Variants in SCOC observed in about 807,000 individuals in gnomAD.
SCOC encodes the protein short coiled-coil protein, also known as short coiled coil protein.
In SCOC, 7 loss-of-function variants were observed where a neutral mutation model predicts 9.9. The observed-to-expected ratio is 0.71, with a 90% CI of 0.40 to 1.33. The LOEUF (loss-of-function observed/expected upper bound fraction) is 1.33. Ranked by LOEUF, SCOC falls within the 40% of genes most tolerant of loss-of-function variation. The probability of loss-of-function intolerance (pLI) is 0.01; values close to 1 mark genes in which losing one functional copy is unlikely to be tolerated. For missense variants in SCOC, 66 were observed against 89.7 expected, an observed-to-expected ratio of 0.74 and a Z score of 1.07; for synonymous variants, 19 against 28.2, an observed-to-expected ratio of 0.67 and a Z score of 1.03.
chr4:140,363,016 C>T (rs954783118), intron 2 of SCOC, among the ~76,000 whole-genome samples: 1 of 152,150 alleles, frequency 6.6e-6, no homozygotes, highest in Non-Finnish European at 1.5e-5. Context: ...TGAGGTAATG[C>T]CTCTCTGGTT....
At chr4:140,267,683 C>T (rs1459842462) in intron 1 of SCOC, among the ~76,000 whole-genome samples, 2 of 152,106 alleles carry the variant, frequency 1.3e-5, no homozygotes, top group African/African-American at 2.4e-5. Context: ...CACCCAGTGA[C>T]GTGGAGACTC....
At chr4:140,350,554 A>G (rs1444005972) in intron 2 of SCOC, among the ~76,000 whole-genome samples, 4 of 152,148 alleles carry the variant, frequency 2.6e-5, no homozygotes, top group Non-Finnish European at 5.9e-5. Flanking sequence ...CTGTTTTCAG[A>G]ACGCATTTAT....
At chr4:140,299,049 CT>C in intron 1 of SCOC, among the ~76,000 whole-genome samples, 1 of 152,296 alleles carries the variant, frequency 6.6e-6, no homozygotes, top group South Asian at 2.1e-4. Flanking sequence ...AACTCCTAGC[CT>C]TGGGCAATCC....
At chr4:140,370,551 G>A (rs1170291386), upstream of SCOC, among the ~76,000 whole-genome samples, 1 of 152,186 alleles carries the variant, frequency 6.6e-6, no homozygotes, top group Admixed American at 6.5e-5. Flanking sequence ...ATTCCCAGGT[G>A]ATTCTAATAT....
At chr4:140,322,010 A>G (rs1351008428) in intron 1 of SCOC, among the ~76,000 whole-genome samples, 1 of 152,190 alleles carries the variant, frequency 6.6e-6, no homozygotes, top group Non-Finnish European at 1.5e-5. Context: ...GTGAGGATGC[A>G]GCAAGGAGCT....
At chr4:140,362,162 C>T (rs1333116511) in intron 2 of SCOC, among the ~76,000 whole-genome samples, 1 of 151,288 alleles carries the variant, frequency 6.6e-6, no homozygotes, top group African/African-American at 2.4e-5. Flanking sequence ...CTTTGCTTCA[C>T]ACTGGGCATG....
upstream of SCOC, among the ~76,000 whole-genome samples, chr4:140,340,424 C>A (rs530350521): frequency 6.6e-6 from 1 of 151,680 alleles, no homozygotes; most frequent in African/African-American, 2.4e-5. Context: ...TGTAACAAAC[C>A]TGCACGTGGT....
intron 1 of SCOC, among the ~76,000 whole-genome samples, chr4:140,377,920 T>C (rs1728410965): frequency 6.6e-6 from 1 of 152,212 alleles, no homozygotes; most frequent in African/African-American, 2.4e-5. Flanking sequence ...CTGACAGGTC[T>C]AGGTTGCTTC....
chr4:140,339,016 C>A (rs904064801), upstream of SCOC, among the ~76,000 whole-genome samples: 41 of 152,162 alleles, frequency 2.7e-4, no homozygotes, highest in African/African-American at 7.0e-4. Context: ...AAAAGAACAA[C>A]GCTGGAGGCA....
chr4:140,361,350 T>C (rs1727459330), intron 2 of SCOC, among the ~76,000 whole-genome samples: 1 of 152,126 alleles, frequency 6.6e-6, no homozygotes, highest in Non-Finnish European at 1.5e-5. Context: ...CCAATGGTGC[T>C]TGTTAGGAAA....
intron 1 of SCOC, among the ~76,000 whole-genome samples, chr4:140,334,084 T>TA (rs1732891428): frequency 1.3e-5 from 2 of 152,078 alleles, no homozygotes. Flanking sequence ...CCCAGCTAAT[T>TA]AAAAAAATCT....
At chr4:140,362,304 T>TTCCTCTTCTTCTTCTTCCTC (rs1727586818) in intron 2 of SCOC, among the ~76,000 whole-genome samples, 2 of 55,144 alleles carry the variant, frequency 3.6e-5, no homozygotes, top group Non-Finnish European at 8.1e-5. Context: ...TTCTTCTTTT[T>TTCCTCTTCTTCTTCTTCCTC]TTTTTTTTTT....
intron 1 of SCOC, among the ~76,000 whole-genome samples, chr4:140,295,319 T>C (rs778390515): frequency 2.9e-4 from 44 of 152,076 alleles, no homozygotes; most frequent in Non-Finnish European, 5.1e-4. Context: ...CATGGTTGCC[T>C]GGACCATGGG....
At chr4:140,286,821 C>G (rs1265760897) in intron 1 of SCOC, among the ~76,000 whole-genome samples, 1 of 152,168 alleles carries the variant, frequency 6.6e-6, no homozygotes, top group Non-Finnish European at 1.5e-5. Context: ...GAAATTGACT[C>G]TCATCAGCCA....
At chr4:140,313,282 G>C (rs1732207403) in intron 1 of SCOC, among the ~76,000 whole-genome samples, 1 of 152,146 alleles carries the variant, frequency 6.6e-6, no homozygotes, top group African/African-American at 2.4e-5. Flanking sequence ...TTTTGTTCTT[G>C]TTGCCCAGGC....
chr4:140,281,884 G>A (rs894389920), intron 1 of SCOC, among the ~76,000 whole-genome samples: 1 of 152,208 alleles, frequency 6.6e-6, no homozygotes, highest in Admixed American at 6.5e-5. Context: ...ATCCCTGTTT[G>A]TGGGGGAAAA....
intron 1 of SCOC, among the ~76,000 whole-genome samples, chr4:140,309,445 T>TGGGCCCCCTTCTAAAAGCC (rs1174347434): frequency 1.8e-4 from 27 of 152,316 alleles, no homozygotes; most frequent in South Asian, 4.1e-4. Context: ...TGGCTTCTGC[T>TGGGCCCCCTTCTAAAAGCC]GGGCCCCCTT....
intron 1 of SCOC, among the ~76,000 whole-genome samples, chr4:140,288,371 C>T (rs1043750530): frequency 1.3e-5 from 2 of 152,034 alleles, no homozygotes; most frequent in East Asian, 1.9e-4. Flanking sequence ...ACTTACAGTG[C>T]ACACTTGTAT....
At chr4:140,267,897 G>C (rs747443688) in intron 1 of SCOC, among the ~76,000 whole-genome samples, 9 of 152,138 alleles carry the variant, frequency 5.9e-5, no homozygotes, top group Admixed American at 1.3e-4. Flanking sequence ...GATCCCGACC[G>C]ATACACTGGC....
Sources: allele counts gnomAD v4.1 joint callset (sites outside exome capture counted in the v4.1 genomes callset), GRCh38; gene constraint gnomAD v4.1.1; transcripts MANE v1.5; gene names NCBI Gene and HGNC (gene_info 2026-07-23, HGNC 2026-07-21).